The following ANKDD1A variants were observed in gnomAD, a reference collection of about 807,000 sequenced individuals.
ANKDD1A encodes the protein ankyrin repeat and death domain containing 1A.
In ANKDD1A, 59 loss-of-function variants were observed where a neutral mutation model predicts 63.5. The ratio of observed to expected loss-of-function variants is 0.93; its 90% CI spans 0.75 to 1.15. The LOEUF (loss-of-function observed/expected upper bound fraction) is 1.15. Ranked by LOEUF, ANKDD1A falls within the 50% of genes most tolerant of loss-of-function variation. The probability of loss-of-function intolerance (pLI) is 0.00; values close to 1 mark genes in which losing one functional copy is unlikely to be tolerated. For missense variants in ANKDD1A, 632 were observed against 656.4 expected, an observed-to-expected ratio of 0.96 and a Z score of 0.41; for synonymous variants, 266 against 263.9, an observed-to-expected ratio of 1.01 and a Z score of -0.08.
At chr15:64,950,812 G>A (rs1301222953) in intron 14 of ANKDD1A, 8 of 1,041,522 alleles carry the variant, frequency 7.7e-6, no homozygotes, top group Admixed American at 6.8e-5. Flanking sequence ...GATTAGGGAC[G>A]CTACCTTTCT....
At position 64,951,364 on chromosome 15, in the gene ANKDD1A, CTCTTTCT is replaced by C. The variant is rs1350378578; in HGVS notation, c.1483+1401_1483+1407del. 26 of 499,856 alleles carry C rather than the reference CTCTTTCT, an allele frequency of 5.2e-5. No individual in the cohort carries two copies. The African/African-American group carries it at 6.0e-4, about 12-fold the overall frequency. 31.0% of individuals were successfully genotyped at this position (499,856 alleles called of 1,614,324 possible). On this transcript the variant is annotated intron_variant, in intron 14 of 14. Coordinates refer to ENST00000319580, the MANE Select transcript of ANKDD1A (RefSeq NM_182703.6). ...TCTTCTTTCCTCTTCTTTCTTCTTCCTCTTTCTTCTTTCTTTTTCTTTTCTTCTTCCT... is the reference window on the plus strand; with the variant it reads ...TCTTCTTTCCTCTTCTTTCTTCTTCCTCTTTCTTTTTCTTTTCTTCTTCCT...
rs2085440435 is a variant in ANKDD1A, at chr15:64,958,465, T to TAAAACTGTTCTAAAATA, written c.*1278_*1294dup. 1 of 151,944 alleles carries TAAAACTGTTCTAAAATA rather than the reference T, an allele frequency of 6.6e-6. No homozygotes were observed. Among genetic ancestry groups the TAAAACTGTTCTAAAATA allele is most frequent in the Non-Finnish European group, 1.5e-5 (1 of 67,968 alleles). 9.4% of individuals were successfully genotyped at this position (151,944 alleles called of 1,614,324 possible). A position where few individuals can be genotyped will look rare whatever the true frequency, so the allele number is the denominator to read the frequency against. On this transcript the variant is annotated 3_prime_UTR_variant, in exon 15 of 15. Transcript: ENST00000319580. ...TATCTGCTCAATTTTTCTCTAAACC[T>TAAAACTGTTCTAAAATA]AAAACTGTTCTAAAATAGAAAGTCT... is the stretch of plus-strand genomic sequence containing the variant.
At chr15:64,944,537 C>T (rs952532575) in intron 11 of ANKDD1A, 115 bp from the exon 12 acceptor site, 9 of 900,896 alleles carry the variant, frequency 1.0e-5, no homozygotes, top group South Asian at 1.7e-5. Context: ...CTGCTCTCAG[C>T]GTAGACTGCT....
At chr15:64,923,462 AT>A (rs1344194013) in intron 4 of ANKDD1A, among the ~76,000 whole-genome samples, 3 of 152,134 alleles carry the variant, frequency 2.0e-5, no homozygotes, top group African/African-American at 7.2e-5. Context: ...TGTGTATTTG[AT>A]TAATTTTTTT....
At position 64,942,572 on chromosome 15, in the gene ANKDD1A, G is replaced by A; in HGVS notation, c.966+7G>A. 6.2e-7 allele frequency: 1 copy of A among 1,610,608 alleles called. No individual in the cohort carries two copies. Among genetic ancestry groups the A allele is most frequent in the Non-Finnish European group, 8.5e-7 (1 of 1,178,200 alleles). On this transcript the variant is annotated splice_region_variant and intron_variant, in intron 10 of 14. Coordinates refer to ENST00000319580, the MANE Select transcript of ANKDD1A (RefSeq NM_182703.6). ...CGTGAATGCCGTGGACAATGTAAGT[G>A]GCTACAGAGACCTTCCGGGCCCCAG...
At chr15:64,943,941 G>T (rs1386318483) in intron 11 of ANKDD1A, among the ~76,000 whole-genome samples, 3 of 152,222 alleles carry the variant, frequency 2.0e-5, no homozygotes, top group Non-Finnish European at 4.4e-5. Context: ...GACAGGGTTT[G>T]GGGAAGCTTC....
intron 14 of ANKDD1A, among the ~76,000 whole-genome samples, chr15:64,954,665 CTT>C (rs759481530): frequency 5.6e-5 from 7 of 126,044 alleles, no homozygotes; most frequent in Non-Finnish European, 1.1e-4. Flanking sequence ...CTTCTTTCTT[CTT>C]GTCTCTTCTT....
chr15:64,919,575 C>G (rs2084994151), intron 3 of ANKDD1A, among the ~76,000 whole-genome samples: 1 of 152,142 alleles, frequency 6.6e-6, no homozygotes. Context: ...GCTTGTGGTC[C>G]CTGCTGGCTC....
rs2085093791 is a variant in ANKDD1A, at chr15:64,931,791, A to G, written c.768+206A>G. 3 of 611,794 alleles carry G rather than the reference A, an allele frequency of 4.9e-6. No individual in the cohort carries two copies. In the African/African-American group the frequency reaches 5.5e-5, roughly 11 times the overall value. The allele number at this position is 611,794 out of a possible 1,614,324, so 37.9% of individuals were successfully genotyped here. A position where few individuals can be genotyped will look rare whatever the true frequency, so the allele number is the denominator to read the frequency against. ...TCTCTGAGCCTTGTTTCCCAACTAT[A>G]AAGTGCAGTGACATTTACTTTTTTA... On this transcript the variant is annotated intron_variant, in intron 8 of 14. Transcript: ENST00000319580.
intron 9 of ANKDD1A, among the ~76,000 whole-genome samples, chr15:64,941,962 A>G (rs2085187969): frequency 6.6e-6 from 1 of 152,190 alleles, no homozygotes; most frequent in African/African-American, 2.4e-5. Context: ...GGGAGTAGAA[A>G]GTCCAATAAG....
chr15:64,931,930 G>C (rs1341271019), intron 8 of ANKDD1A: 17 of 402,218 alleles, frequency 4.2e-5, no homozygotes, highest in Non-Finnish European at 3.6e-5. Flanking sequence ...GTCTTACTCT[G>C]TCGCCCAGGC....
intron 14 of ANKDD1A, among the ~76,000 whole-genome samples, chr15:64,952,172 TC>T (rs1199949799): frequency 6.6e-6 from 1 of 151,074 alleles, no homozygotes; most frequent in African/African-American, 2.4e-5. Flanking sequence ...TCTTTTTCTT[TC>T]TTCTTTCCTT....
intron 14 of ANKDD1A, among the ~76,000 whole-genome samples, chr15:64,953,670 CCTT>C (rs753634076): frequency 0.039 from 1,430 of 36,608 alleles, 47 homozygotes; most frequent in African/African-American, 0.083. Flanking sequence ...TCTTTCTTCT[CCTT>C]CTTTTCTTCT....
At chr15:64,922,786 C>T (rs538647955) in intron 4 of ANKDD1A, among the ~76,000 whole-genome samples, 8 of 152,214 alleles carry the variant, frequency 5.3e-5, no homozygotes, top group Admixed American at 1.3e-4. Context: ...GGACTATAGG[C>T]GCGTGCCACC....
At chr15:64,940,257 T>C (rs1247763859) in intron 9 of ANKDD1A, among the ~76,000 whole-genome samples, 1 of 151,944 alleles carries the variant, frequency 6.6e-6, no homozygotes, top group Non-Finnish European at 1.5e-5. Flanking sequence ...TAGGGAAGTG[T>C]AAGTTAACAC....
chr15:64,917,513 G>A lies in ANKDD1A; in HGVS notation c.266G>A (p.Cys89Tyr). ...AVGALTEARL[C>Y]FGMNALLLSA... is the part of the protein sequence containing the mutation. ...GGGGCCCTCACAGAGGCACGTCTGT[G>A]TGTACGTGTCTGTCTGTCTGTCTGT... The change falls in exon 3 of 15, where the codon TGT becomes TAT. Residue 89 changes from cysteine (C) to tyrosine (Y), a missense_variant and splice_region_variant. Cys to Tyr is a radical substitution (Grantham distance 194). Coordinates refer to ENST00000319580, the MANE Select transcript of ANKDD1A (RefSeq NM_182703.6). The A allele has an allele frequency of 6.5e-7, 1 of 1,546,552 alleles. No individual in the cohort carries two copies.
At chr15:64,941,930 G>A (rs1423813889) in intron 9 of ANKDD1A, among the ~76,000 whole-genome samples, 1 of 152,142 alleles carries the variant, frequency 6.6e-6, no homozygotes, top group Non-Finnish European at 1.5e-5. Context: ...AGGTACCTAG[G>A]TACTGGGGGT....
intron 2 of ANKDD1A, 47 bp downstream of exon 2, chr15:64,915,947 G>A (rs776240512): frequency 4.1e-5 from 64 of 1,558,020 alleles, no homozygotes; most frequent in East Asian, 1.4e-4. Flanking sequence ...ATAGTGTCAC[G>A]ATAATGCCAG....
intron 4 of ANKDD1A, among the ~76,000 whole-genome samples, chr15:64,924,057 C>T (rs1017271274): frequency 2.0e-5 from 3 of 152,190 alleles, no homozygotes; most frequent in African/African-American, 4.8e-5. Context: ...CTGTGGTTGG[C>T]GGGCAGTTCC....
Sources: gnomAD v4.1 joint callset for allele counts (sites outside exome capture counted in the v4.1 genomes callset) on GRCh38, gnomAD v4.1.1 for gene constraint, MANE v1.5 for transcripts, NCBI Gene and HGNC (gene_info 2026-07-23, HGNC 2026-07-21) for gene names.